GGA3: variants seen among roughly 807,000 people sequenced by gnomAD.
GGA3 encodes the protein golgi associated, gamma adaptin ear containing, ARF binding protein 3.
Under a neutral mutation model 77.5 loss-of-function variants are expected in GGA3, and 57 were observed. The ratio of observed to expected loss-of-function variants is 0.74; its 90% CI spans 0.59 to 0.92. The LOEUF is 0.92. Among genes scored for constraint, GGA3 ranks in the 40% least tolerant of loss-of-function variants. The probability of loss-of-function intolerance (pLI) is 0.00; values close to 1 mark genes in which losing one functional copy is unlikely to be tolerated. For missense variants in GGA3, 970 were observed against 914.9 expected, an observed-to-expected ratio of 1.06 and a Z score of -0.78; for synonymous variants, 416 against 383.7, an observed-to-expected ratio of 1.08 and a Z score of -0.98.
intron 1 of GGA3, among the ~76,000 whole-genome samples, chr17:75,248,161 T>G (rs1598417901): frequency 6.6e-6 from 1 of 152,164 alleles, no homozygotes; most frequent in East Asian, 1.9e-4. Flanking sequence ...TAATTGTATT[T>G]TGTTAACTTT....
chr17:75,247,922 G>A (rs1304585820), intron 1 of GGA3, among the ~76,000 whole-genome samples: 1 of 152,152 alleles, frequency 6.6e-6, no homozygotes, highest in African/African-American at 2.4e-5. Context: ...TGGTTACATG[G>A]GTTCCCATCT....
intron 7 of GGA3, 149 bp from the exon 8 acceptor site, chr17:75,242,622 C>G: frequency 1.0e-6 from 1 of 962,482 alleles, no homozygotes; most frequent in Non-Finnish European, 1.6e-6. Flanking sequence ...TATACTTCTG[C>G]TTTCACAACA....
chr17:75,248,768 A>C, intron 1 of GGA3: 1 of 804,686 alleles, frequency 1.2e-6, no homozygotes, highest in Non-Finnish European at 1.5e-6. Flanking sequence ...CCTGGGCAAC[A>C]AGTGAAAACT....
At chr17:75,261,966 T>C (rs148641206), upstream of GGA3, 478 of 1,605,550 alleles carry the variant, frequency 3.0e-4, 1 homozygote, top group Non-Finnish European at 3.8e-4. Context: ...TGCGGCGGGC[T>C]GTCTTGCAGC....
rs563408277 is a variant in GGA3, at chr17:75,237,507, T to G, written c.*772A>C. ...CTGTCCCCACGGCTGGAGGCACGCT[T>G]TTCCCAGAAAGCTGAGTACCTGCTT... is the stretch of plus-strand genomic sequence containing the variant. On this transcript the variant is annotated 3_prime_UTR_variant, in exon 17 of 17. Coordinates refer to ENST00000537686, the MANE Select transcript of GGA3 (RefSeq NM_138619.4). The G allele has an allele frequency of 6.5e-7, 1 of 1,536,022 alleles. No homozygotes were observed. Among genetic ancestry groups the G allele is most frequent in the East Asian group, 2.4e-5 (1 of 40,912 alleles).
At chr17:75,262,003 C>T (rs768595629), upstream of GGA3, 2 of 1,450,538 alleles carry the variant, frequency 1.4e-6, no homozygotes, top group Non-Finnish European at 9.1e-7. Context: ...TGGCGAGCAG[C>T]GGCGGGGGGG....
At chr17:75,249,623 C>T (rs2076891458) in intron 1 of GGA3, among the ~76,000 whole-genome samples, 1 of 152,148 alleles carries the variant, frequency 6.6e-6, no homozygotes, top group South Asian at 2.1e-4. Context: ...TCACATAACA[C>T]CAAAAGTCTA....
rs1377141270 is a variant in GGA3 at position 75,261,582 on chromosome 17, C to T, written c.6G>A (p.Ala2=). ...ACTCCAGGCTTTCCCCTTCCGCCTC[C>T]GCCATATTGCAGCCGCCCGGCCCCG... is the stretch of plus-strand genomic sequence containing the variant. The part of the protein sequence containing the change: M[A]EAEGESLESW... The change falls in exon 1 of 17, where the codon GCG becomes GCA. Residue 2 remains alanine (A), a synonymous_variant. Transcript: ENST00000537686. 3 of 1,553,684 alleles carry T rather than the reference C, an allele frequency of 1.9e-6. No homozygotes were observed. Among genetic ancestry groups the T allele is most frequent in the Non-Finnish European group, 2.6e-6 (3 of 1,152,226 alleles).
rs1473481481 is a variant in GGA3 at position 75,236,814 on chromosome 17, G to A, written c.*1465C>T. 1 of 153,846 alleles carries A rather than the reference G, an allele frequency of 6.5e-6. No homozygotes were observed. Among genetic ancestry groups the A allele is most frequent in the Non-Finnish European group, 1.5e-5 (1 of 68,840 alleles). The allele number at this position is 153,846 out of a possible 1,614,324, so 9.5% of individuals were successfully genotyped here. ...GCAGCCAGTCTCTGGAAAGCTCTTG[G>A]ATTTATTCCTTAAGTAGTGAAAAAT... On this transcript the variant is annotated 3_prime_UTR_variant, in exon 17 of 17. Coordinates refer to ENST00000537686, the MANE Select transcript of GGA3 (RefSeq NM_138619.4).
At chr17:75,260,928 G>C (rs891075870) in intron 1 of GGA3, among the ~76,000 whole-genome samples, 1 of 151,986 alleles carries the variant, frequency 6.6e-6, no homozygotes, top group Admixed American at 6.6e-5. Flanking sequence ...GTGTGTGGGG[G>C]GGGAATTCCC....
chr17:75,259,224 G>T (rs142800833), intron 1 of GGA3, among the ~76,000 whole-genome samples: 2 of 152,232 alleles, frequency 1.3e-5, no homozygotes, highest in African/African-American at 4.8e-5. Flanking sequence ...AACGTGCTGG[G>T]ATTACAGGAG....
chr17:75,243,390 C>A, intron 5 of GGA3, 57 bp downstream of exon 5: 1 of 1,607,362 alleles, frequency 6.2e-7, no homozygotes, highest in Middle Eastern at 1.8e-4. Context: ...CCCTTCTCTC[C>A]TTGCCTGGGC....
chr17:75,244,806 C>G, intron 3 of GGA3, 89 bp from the exon 4 acceptor site: 2 of 825,502 alleles, frequency 2.4e-6, no homozygotes, highest in Non-Finnish European at 4.2e-6. Context: ...CCAGAGAGTA[C>G]TGAATAAACA....
chr17:75,237,375 G>A lies in GGA3; in HGVS notation c.*904C>T, dbSNP rs1000184743. On this transcript the variant is annotated 3_prime_UTR_variant, in exon 17 of 17. Coordinates refer to ENST00000537686, the MANE Select transcript of GGA3 (RefSeq NM_138619.4). ...CAGGTGCCACACCACATGCCATCTG[G>A]TGAGAGGAGAGGGAGGCCAAAGCAG... 18 of 1,016,774 alleles carry A rather than the reference G, an allele frequency of 1.8e-5. No individual in the cohort carries two copies. The South Asian group carries it at 2.0e-4, about 12-fold the overall frequency. 63.0% of individuals were successfully genotyped at this position (1,016,774 alleles called of 1,614,324 possible). A position where few individuals can be genotyped will look rare whatever the true frequency, so the allele number is the denominator to read the frequency against.
chr17:75,248,832 A>C, intron 1 of GGA3: 1 of 977,680 alleles, frequency 1.0e-6, no homozygotes, highest in Non-Finnish European at 1.2e-6. Context: ...AAAAAAAAAA[A>C]AACTCACCAG....
intron 1 of GGA3, among the ~76,000 whole-genome samples, chr17:75,249,733 C>T (rs1053246074): frequency 7.2e-5 from 11 of 152,158 alleles, no homozygotes; most frequent in Admixed American, 2.6e-4. Context: ...AAAACTGGCC[C>T]ACTCACTTTC....
chr17:75,253,601 T>C (rs1198512466), intron 1 of GGA3, among the ~76,000 whole-genome samples: 1 of 152,158 alleles, frequency 6.6e-6, no homozygotes, highest in Non-Finnish European at 1.5e-5. Context: ...CCTCAACCCC[T>C]TCTCCTTCAC....
intron 1 of GGA3, among the ~76,000 whole-genome samples, chr17:75,255,464 AC>A (rs1348037205): frequency 6.6e-6 from 1 of 151,856 alleles, no homozygotes; most frequent in African/African-American, 2.4e-5. Flanking sequence ...ACCTTAACCC[AC>A]AAGTATAAGA....
In GGA3 at chr17:75,237,192, ACT is replaced by A; in HGVS notation, c.*1085_*1086del. 2 of 540,942 alleles carry A rather than the reference ACT, an allele frequency of 3.7e-6. No individual in the cohort carries two copies. The highest frequency in any genetic ancestry group is 3.8e-5 in the African/African-American group (2 of 52,978). 33.5% of individuals were successfully genotyped at this position (540,942 alleles called of 1,614,324 possible). ...ACTGTTGAAGCAATAGGGTCTGGTG[ACT>A]CAGCTCAAGTGTGGCCCGATCTCAT... On this transcript the variant is annotated 3_prime_UTR_variant, in exon 17 of 17. Coordinates refer to ENST00000537686, the MANE Select transcript of GGA3 (RefSeq NM_138619.4).
Sources: gnomAD v4.1 joint callset for allele counts (sites outside exome capture counted in the v4.1 genomes callset) on GRCh38, gnomAD v4.1.1 for gene constraint, MANE v1.5 for transcripts, NCBI Gene and HGNC (gene_info 2026-07-23, HGNC 2026-07-21) for gene names.